The following CPED1 variants were observed in gnomAD, a reference collection of about 807,000 sequenced individuals.
CPED1 encodes the protein cadherin-like and PC-esterase domain-containing protein 1.
Under a neutral mutation model 128.2 loss-of-function variants are expected in CPED1, and 114 were observed. That is an observed-to-expected ratio of 0.89 (90% CI 0.76 to 1.04). CPED1 has a LOEUF of 1.04. Ranked by LOEUF, CPED1 falls within the 50% of genes least tolerant of loss-of-function variation. CPED1 has a pLI of 0.00. For missense variants in CPED1, 1,211 were observed against 1,207.1 expected (o/e 1.00, Z -0.05); for synonymous variants, 462 against 426.7 (o/e 1.08, Z -1.02).
chr7:121,105,135 AG>A (rs1794942981), intron 7 of CPED1, among the ~76,000 whole-genome samples: 2 of 152,140 alleles, frequency 1.3e-5, no homozygotes, highest in Non-Finnish European at 2.9e-5. Flanking sequence ...AAATGTGCAC[AG>A]AGGGCAGAGG....
intron 18 of CPED1, among the ~76,000 whole-genome samples, chr7:121,259,223 C>G (rs1791956178): frequency 6.6e-6 from 1 of 151,766 alleles, no homozygotes; most frequent in Admixed American, 6.6e-5. Flanking sequence ...AAAAGGTGCT[C>G]AAGCTTCTAG....
At chr7:121,099,227 C>A (rs1794779258) in intron 6 of CPED1, among the ~76,000 whole-genome samples, 1 of 151,886 alleles carries the variant, frequency 6.6e-6, no homozygotes, top group South Asian at 2.1e-4. Context: ...GAAAGTTTCA[C>A]CCAAACTGTA....
At chr7:121,259,948 T>C (rs941749755) in intron 18 of CPED1, among the ~76,000 whole-genome samples, 1 of 152,034 alleles carries the variant, frequency 6.6e-6, no homozygotes, top group African/African-American at 2.4e-5. Flanking sequence ...ATTTTCAAAG[T>C]GTGGCTAATT....
At chr7:121,078,506 A>G (rs1420277753) in intron 5 of CPED1, among the ~76,000 whole-genome samples, 55 of 12,966 alleles carry the variant, frequency 4.2e-3, no homozygotes, top group Admixed American at 0.022. Context: ...AAGAAAAAAA[A>G]AAAAAAAAAA....
At chr7:121,013,200 G>A (rs560287535) in intron 2 of CPED1, among the ~76,000 whole-genome samples, 27 of 152,226 alleles carry the variant, frequency 1.8e-4, no homozygotes, top group African/African-American at 6.0e-4. Flanking sequence ...GTGTCCAAAG[G>A]CTCAATGTGT....
intron 16 of CPED1, among the ~76,000 whole-genome samples, chr7:121,187,731 T>A (rs1584580591): frequency 6.6e-6 from 1 of 152,156 alleles, no homozygotes. Flanking sequence ...AAACAAAGTA[T>A]AGTTTTGCAA....
rs551743909 is a variant in CPED1, at chr7:120,988,793, G to C, written c.-351G>C. ...CGTGTGTGTGTGTGTCTCTCTCTGT[G>C]TGTGTGTGAGATGAATTGGAGTCAT... On this transcript the variant is annotated 5_prime_UTR_variant, in exon 1 of 23. Transcript: ENST00000310396. The C allele has an allele frequency of 1.3e-5, 2 of 152,346 alleles. No homozygotes were observed. The highest frequency in any genetic ancestry group is 3.9e-4 in the East Asian group (2 of 5,164). 9.4% of individuals were successfully genotyped at this position (152,346 alleles called of 1,614,324 possible).
At chr7:121,267,339 A>G in intron 21 of CPED1, 37 bp downstream of exon 21, 1 of 1,239,618 alleles carries the variant, frequency 8.1e-7, no homozygotes, top group Non-Finnish European at 1.1e-6. Context: ...GAATTTCATG[A>G]TTCCTATAAG....
chr7:121,170,867 A>G (rs10226602), intron 16 of CPED1, among the ~76,000 whole-genome samples: 15,818 of 152,010 alleles, frequency 0.1, 1,382 homozygotes, highest in African/African-American at 0.24. Context: ...CCTGGCCAAC[A>G]TGGTGAAACC....
chr7:120,989,789 C>T lies in CPED1; in HGVS notation c.168C>T (p.Thr56=), dbSNP rs911542448. 2 of 1,613,876 alleles carry T rather than the reference C, an allele frequency of 1.2e-6. No individual in the cohort carries two copies. Among genetic ancestry groups the T allele is most frequent in the Non-Finnish European group, 1.7e-6 (2 of 1,180,020 alleles). Residue 56 remains threonine (T), a synonymous_variant, in exon 2 of 23, where the codon ACC becomes ACT. Coordinates refer to ENST00000310396, the MANE Select transcript of CPED1 (RefSeq NM_024913.5). ...PGAVPHTSTE[T]QASRCKKGFS... ...CTGTCCCACACACATCCACTGAAAC[C>T]CAGGCAAGCAGATGCAAGAAAGGAT...
At chr7:121,210,739 T>C (rs566978919) in intron 16 of CPED1, among the ~76,000 whole-genome samples, 4 of 152,076 alleles carry the variant, frequency 2.6e-5, no homozygotes, top group East Asian at 1.9e-4. Context: ...GATCTAGTAT[T>C]TGATAGCACG....
intron 4 of CPED1, among the ~76,000 whole-genome samples, chr7:121,057,115 G>A (rs1201411837): frequency 6.6e-6 from 1 of 151,802 alleles, no homozygotes; most frequent in Non-Finnish European, 1.5e-5. Flanking sequence ...GAATCTGGGA[G>A]TACAGGTGCA....
At chr7:121,041,772 G>C (rs1462959550) in intron 3 of CPED1, among the ~76,000 whole-genome samples, 1 of 152,180 alleles carries the variant, frequency 6.6e-6, no homozygotes, top group African/African-American at 2.4e-5. Context: ...AACATGAACA[G>C]ATGTTAGCTG....
chr7:121,222,481 A>G (rs996363236), intron 16 of CPED1, among the ~76,000 whole-genome samples: 1 of 152,090 alleles, frequency 6.6e-6, no homozygotes, highest in Non-Finnish European at 1.5e-5. Context: ...ACTTTTTCCA[A>G]TTCTGTGAAG....
At chr7:121,157,870 C>A (rs992909189) in intron 16 of CPED1, among the ~76,000 whole-genome samples, 2 of 152,092 alleles carry the variant, frequency 1.3e-5, no homozygotes, top group African/African-American at 2.4e-5. Flanking sequence ...TGACAATTTA[C>A]CCTCCCTGGC....
intron 18 of CPED1, among the ~76,000 whole-genome samples, chr7:121,252,785 A>G (rs1798709920): frequency 6.6e-6 from 1 of 152,202 alleles, no homozygotes; most frequent in Admixed American, 6.5e-5. Flanking sequence ...CACCAGTTAG[A>G]ATGGTGATCA....
rs541075117 is a variant in CPED1 at position 121,223,899 on chromosome 7, G to GA, written c.2056-12808dup. 8.7e-5 allele frequency among the ~76,000 whole-genome samples: 13 copies of GA among 150,172 alleles called. No individual in the cohort carries two copies. In the South Asian group the frequency reaches 1.7e-3, roughly 19 times the overall value. On this transcript the variant is annotated intron_variant, in intron 16 of 22. Transcript: ENST00000310396. ...AGTCTATCAATTTTGTTGATCTTTTGAAAAAAACAGCTTCTGGATTCATTG... is the reference window on the plus strand; with the variant it reads ...AGTCTATCAATTTTGTTGATCTTTTGAAAAAAAACAGCTTCTGGATTCATTG...
intron 17 of CPED1, among the ~76,000 whole-genome samples, chr7:121,241,700 C>G (rs1193437109): frequency 1.3e-5 from 2 of 152,108 alleles, no homozygotes; most frequent in Non-Finnish European, 2.9e-5. Context: ...GCTTCATGGA[C>G]CCTTCCAGAA....
At chr7:121,125,673 G>T (rs1795485247) in intron 8 of CPED1, 147 bp from the exon 9 acceptor site, 2 of 631,608 alleles carry the variant, frequency 3.2e-6, no homozygotes, top group Admixed American at 2.4e-5. Flanking sequence ...AGTATTCCAT[G>T]GTGTGTATGT....
Sources: gnomAD v4.1 joint callset for allele counts (sites outside exome capture counted in the v4.1 genomes callset) on GRCh38, gnomAD v4.1.1 for gene constraint, MANE v1.5 for transcripts, NCBI Gene and HGNC (gene_info 2026-07-23, HGNC 2026-07-21) for gene names.